Variants in CIDEA observed in about 807,000 individuals in gnomAD.
CIDEA encodes the protein cell death inducing DFFA like effector a.
Under a neutral mutation model 18.2 loss-of-function variants are expected in CIDEA, and 10 were observed. The ratio of observed to expected loss-of-function variants is 0.55; its 90% confidence interval spans 0.34 to 0.93. CIDEA has a LOEUF of 0.93. Ranked by LOEUF, CIDEA falls within the 40% of genes least tolerant of loss-of-function variation. The pLI, the probability that CIDEA is intolerant of heterozygous loss-of-function variation, is 0.02. For missense variants in CIDEA, 309 were observed against 293.1 expected, an observed-to-expected ratio of 1.05 and a Z score of -0.40; for synonymous variants, 128 against 124.8, an observed-to-expected ratio of 1.03 and a Z score of -0.17.
chr18:12,274,128 G>C lies in CIDEA; in HGVS notation c.366G>C (p.Lys122Asn). Residue 122 changes from lysine (K) to asparagine (N), a missense_variant, in exon 4 of 5, where the codon AAG becomes AAC. Physicochemically the swap from Lys to Asn is moderately conservative, Grantham distance 94. Transcript: ENST00000320477. ...ACGTCCCCACTTGCTCGCCGCCGAA[G>C]AGGTCGGGAATAGCGAGAGTCACCT... is the stretch of plus-strand genomic sequence containing the variant. The part of the protein sequence containing the change: ...SQHVPTCSPP[K>N]RSGIARVTFD... 6.2e-7 allele frequency: 1 copy of C among 1,614,260 alleles called. No homozygotes were observed. Among genetic ancestry groups the C allele is most frequent in the Non-Finnish European group, 8.5e-7 (1 of 1,180,046 alleles).
chr18:12,262,400 G>A (rs1912218298), intron 1 of CIDEA, among the ~76,000 whole-genome samples: 1 of 152,156 alleles, frequency 6.6e-6, no homozygotes. Context: ...TACCCTTATT[G>A]TGTAAACATG....
chr18:12,263,082 C>T, intron 2 of CIDEA, 113 bp downstream of exon 2: 1 of 1,080,636 alleles, frequency 9.3e-7, no homozygotes, highest in South Asian at 1.8e-5. Flanking sequence ...AGAAAAGCAG[C>T]ATCTCACTGG....
In CIDEA at chr18:12,254,732, G is replaced by A. The variant is rs745996391; in HGVS notation, c.38+311G>A. 27 of 1,457,232 alleles carry A rather than the reference G, an allele frequency of 1.9e-5. 1 individual carries two copies. In the Admixed American group the frequency reaches 5.6e-4, roughly 30 times the overall value. The allele number at this position is 1,457,232 out of a possible 1,614,324, so 90.3% of individuals were successfully genotyped here. ...CTGCAAACCAGGTGACAGCTGGCGA[G>A]TGGCTGCATGCATCTCTGGCCGCTG... On this transcript the variant is annotated intron_variant, in intron 1 of 4. Coordinates refer to ENST00000320477, the MANE Select transcript of CIDEA (RefSeq NM_001279.4).
chr18:12,268,107 C>T (rs1316178064), intron 3 of CIDEA, among the ~76,000 whole-genome samples: 3 of 152,030 alleles, frequency 2.0e-5, no homozygotes, highest in African/African-American at 7.2e-5. Flanking sequence ...CTCTGTCGCC[C>T]AGGCTGGAGT....
At chr18:12,254,740 A>T in intron 1 of CIDEA, 3 of 1,443,856 alleles carry the variant, frequency 2.1e-6, no homozygotes, top group South Asian at 1.2e-5. Flanking sequence ...GAGTGGCTGC[A>T]TGCATCTCTG....
At chr18:12,270,309 A>G (rs1474101322) in intron 3 of CIDEA, among the ~76,000 whole-genome samples, 1 of 151,786 alleles carries the variant, frequency 6.6e-6, no homozygotes, top group Non-Finnish European at 1.5e-5. Flanking sequence ...CATATATATT[A>G]TATATATAAC....
chr18:12,277,450 C>G lies in CIDEA; in HGVS notation c.*180C>G. The G allele has an allele frequency of 4.5e-6, 3 of 667,924 alleles. No homozygotes were observed. Among genetic ancestry groups the G allele is most frequent in the Non-Finnish European group, 7.1e-6 (3 of 419,758 alleles). 41.4% of individuals were successfully genotyped at this position (667,924 alleles called of 1,614,324 possible). Reference sequence around the variant, plus strand: ...TGGTACATGAAGTGGGGGCAGTGGGCAGGGTGCCCTGGGGGGGAGGCATAG... The same window carrying G: ...TGGTACATGAAGTGGGGGCAGTGGGGAGGGTGCCCTGGGGGGGAGGCATAG... On this transcript the variant is annotated 3_prime_UTR_variant, in exon 5 of 5. Coordinates refer to ENST00000320477, the MANE Select transcript of CIDEA (RefSeq NM_001279.4).
chr18:12,270,403 G>A (rs1204514406), intron 3 of CIDEA, among the ~76,000 whole-genome samples: 1 of 152,058 alleles, frequency 6.6e-6, no homozygotes, highest in Non-Finnish European at 1.5e-5. Flanking sequence ...CTTTAATGTA[G>A]ATGAGGGCTG....
rs182617945 is a variant in CIDEA at position 12,277,463 on chromosome 18, G to A, written c.*193G>A. On this transcript the variant is annotated 3_prime_UTR_variant, in exon 5 of 5. Coordinates refer to ENST00000320477, the MANE Select transcript of CIDEA (RefSeq NM_001279.4). ...GGGGGCAGTGGGCAGGGTGCCCTGG[G>A]GGGGAGGCATAGAGGGCCCTGGGGG... is the stretch of plus-strand genomic sequence containing the variant. 1.2e-3 allele frequency: 786 copies of A among 640,834 alleles called. 12 individuals are homozygous for A. In the East Asian group the frequency reaches 0.021, roughly 17 times the overall value. The allele number at this position is 640,834 out of a possible 1,614,324, so 39.7% of individuals were successfully genotyped here. A position where few individuals can be genotyped will look rare whatever the true frequency, so the allele number is the denominator to read the frequency against.
At position 12,264,424 on chromosome 18, in the gene CIDEA, A is replaced by G. The variant is rs574084206; in HGVS notation, c.301A>G (p.Ile101Val). 150 of 1,614,040 alleles carry G rather than the reference A, an allele frequency of 9.3e-5. 4 individuals carry two copies. In the South Asian group the frequency reaches 1.6e-3, roughly 17 times the overall value. Reference protein sequence around the residue: ...QTLGDNTHFMILEKGQKWMPG... With the variant: ...QTLGDNTHFMVLEKGQKWMPG... ...CTTGGGAGACAACACGCATTTCATG[A>G]TCTTGGAAAAAGGACAGAAGTGGAT... is the stretch of plus-strand genomic sequence containing the variant. The change falls in exon 3 of 5, where the codon ATC (isoleucine) becomes GTC (valine). Residue 101 changes from isoleucine to valine, a missense_variant. By Grantham distance (29) the Ile-to-Val change is conservative. Coordinates refer to ENST00000320477, the MANE Select transcript of CIDEA (RefSeq NM_001279.4).
chr18:12,254,438 C>T lies in CIDEA; in HGVS notation c.38+17C>T, dbSNP rs142786662. The T allele has an allele frequency of 6.3e-7, 1 of 1,596,202 alleles. No homozygotes were observed. Among genetic ancestry groups the T allele is most frequent in the East Asian group, 2.2e-5 (1 of 44,540 alleles). ...CCTCATCAGGCGAGTGCCCCGCGTC[C>T]CCCTGATTGCCGTGCGCTTCCAATC... On this transcript the variant is annotated intron_variant, in intron 1 of 4. Transcript: ENST00000320477.
intron 4 of CIDEA, among the ~76,000 whole-genome samples, chr18:12,274,966 A>T (rs1015206494): frequency 6.6e-6 from 1 of 152,236 alleles, no homozygotes; most frequent in Admixed American, 6.5e-5. Flanking sequence ...TGCTCTAAGG[A>T]ATCAGCTGTG....
intron 1 of CIDEA, among the ~76,000 whole-genome samples, chr18:12,258,413 T>A (rs897236913): frequency 1.3e-5 from 2 of 152,232 alleles, no homozygotes; most frequent in African/African-American, 4.8e-5. Context: ...TTGGAAGACA[T>A]GGACCATGTT....
Position 12,262,204 on chromosome 18 carries a change from C to A in CIDEA, c.39-621C>A, listed in dbSNP as rs138928768. Among the ~76,000 whole-genome samples, 316 of 151,966 alleles carry A rather than the reference C, an allele frequency of 2.1e-3. 2 individuals carry two copies. Among genetic ancestry groups the A allele is most frequent in the Middle Eastern group, 6.8e-3 (2 of 294 alleles). ...AAAAAAGTAAATTTTTGAATTAATT[C>A]TTTGATAAATGTGGACTTAATCCAA... is the stretch of plus-strand genomic sequence containing the variant. On this transcript the variant is annotated intron_variant, in intron 1 of 4. Transcript: ENST00000320477.
intron 3 of CIDEA, among the ~76,000 whole-genome samples, chr18:12,268,459 C>T (rs143361614): frequency 3.4e-5 from 5 of 149,248 alleles, no homozygotes; most frequent in South Asian, 2.1e-4. Flanking sequence ...TGCAGTGGCA[C>T]GATCTCAGCT....
At chr18:12,269,460 G>A (rs62097487) in intron 3 of CIDEA, among the ~76,000 whole-genome samples, 42 of 152,208 alleles carry the variant, frequency 2.8e-4, no homozygotes, top group Non-Finnish European at 5.6e-4. Context: ...CAGATGCAGC[G>A]TGTAATCTGA....
rs1215917132 is a variant in CIDEA at position 12,277,464 on chromosome 18, G to C, written c.*194G>C. The C allele has an allele frequency of 4.7e-6, 3 of 638,300 alleles. No homozygotes were observed. Among genetic ancestry groups the C allele is most frequent in the Non-Finnish European group, 7.9e-6 (3 of 379,412 alleles). The allele number at this position is 638,300 out of a possible 1,614,324, so 39.5% of individuals were successfully genotyped here. A position where few individuals can be genotyped will look rare whatever the true frequency, so the allele number is the denominator to read the frequency against. On this transcript the variant is annotated 3_prime_UTR_variant, in exon 5 of 5. Coordinates refer to ENST00000320477, the MANE Select transcript of CIDEA (RefSeq NM_001279.4). ...GGGGCAGTGGGCAGGGTGCCCTGGG[G>C]GGGAGGCATAGAGGGCCCTGGGGGT...
intron 3 of CIDEA, among the ~76,000 whole-genome samples, chr18:12,271,626 T>G (rs1912533998): frequency 6.6e-6 from 1 of 152,246 alleles, no homozygotes; most frequent in South Asian, 2.1e-4. Flanking sequence ...TGGTGGGCGC[T>G]GGGAACCTGG....
intron 4 of CIDEA, among the ~76,000 whole-genome samples, chr18:12,275,676 A>G (rs1209495845): frequency 1.3e-5 from 2 of 151,972 alleles, no homozygotes; most frequent in Admixed American, 1.3e-4. Flanking sequence ...CAAAGGGGAA[A>G]TGCCCTCCTC....
Sources: allele counts gnomAD v4.1 joint callset (sites outside exome capture counted in the v4.1 genomes callset), GRCh38; gene constraint gnomAD v4.1.1; transcripts MANE v1.5; gene names NCBI Gene and HGNC (gene_info 2026-07-23, HGNC 2026-07-21).